PAK3: variants seen among roughly 807,000 people sequenced by gnomAD.
PAK3 encodes the protein serine/threonine-protein kinase PAK 3.
A neutral mutation model predicts 41.0 loss-of-function variants in PAK3; 4 were observed. That is an observed-to-expected ratio of 0.10 (90% confidence interval 0.05 to 0.22). PAK3 has a LOEUF of 0.22. Ranked by LOEUF, PAK3 falls within the 10% of genes least tolerant of loss-of-function variation. The pLI, the probability that PAK3 is intolerant of heterozygous loss-of-function variation, is 1.00. For missense variants in PAK3, 205 were observed against 409.9 expected, an observed-to-expected ratio of 0.50 and a Z score of 4.32; for synonymous variants, 146 against 139.6, an observed-to-expected ratio of 1.05 and a Z score of -0.32.
intron 16 of PAK3, among the ~76,000 whole-genome samples, chrX:111,205,711 T>C (rs1223836587): frequency 9.0e-6 from 1 of 111,265 alleles, no homozygotes; most frequent in Non-Finnish European, 1.9e-5. Flanking sequence ...GTAGTAGTAT[T>C]AAAAGAATTG....
intron 1 of PAK3, among the ~76,000 whole-genome samples, chrX:111,000,215 G>A (rs867011264): frequency 2.1e-3 from 229 of 111,557 alleles, no homozygotes; most frequent in African/African-American, 7.1e-3. Flanking sequence ...ATGGATGCCT[G>A]TTGGTTTTGT....
intron 1 of PAK3, among the ~76,000 whole-genome samples, chrX:110,945,209 C>A (rs1049809956): frequency 1.8e-5 from 2 of 109,745 alleles, no homozygotes; most frequent in African/African-American, 6.7e-5. Context: ...TCAGTGAGTG[C>A]GAGTTGGAGT....
upstream of PAK3, among the ~76,000 whole-genome samples, chrX:111,093,596 G>A (rs939788412): frequency 6.2e-5 from 7 of 112,090 alleles, no homozygotes; most frequent in Non-Finnish European, 1.1e-4. Context: ...CTGCTTTCTC[G>A]TATCAAGAAT....
chrX:111,150,573 C>T (rs1421741242), intron 7 of PAK3, among the ~76,000 whole-genome samples: 1 of 111,419 alleles, frequency 9.0e-6, no homozygotes, highest in Non-Finnish European at 1.9e-5. Flanking sequence ...GAGAAAGAAT[C>T]AAAAGCAAAA....
At chrX:111,059,077 A>T (rs2092630618) in intron 1 of PAK3, among the ~76,000 whole-genome samples, 1 of 104,815 alleles carries the variant, frequency 9.5e-6, no homozygotes, top group African/African-American at 3.5e-5. Flanking sequence ...TTTGCCTATC[A>T]CGAGGCCCTG....
At chrX:111,038,419 C>T (rs774204460) in intron 1 of PAK3, among the ~76,000 whole-genome samples, 1 of 112,404 alleles carries the variant, frequency 8.9e-6, no homozygotes, top group Admixed American at 9.4e-5. Context: ...ACCCTTCTTA[C>T]AGAAGCAATG....
At chrX:110,955,263 T>C (rs998882473) in intron 1 of PAK3, among the ~76,000 whole-genome samples, 9 of 112,036 alleles carry the variant, frequency 8.0e-5, no homozygotes, top group Middle Eastern at 4.6e-3. Flanking sequence ...TTGACTGTAG[T>C]ATAGGGCATT....
At position 111,070,648 on chromosome X, in the gene PAK3, G is replaced by A. The variant is rs149209833; in HGVS notation, c.-27-52429G>A. Among the ~76,000 whole-genome samples, 938 of 111,811 alleles carry A rather than the reference G, an allele frequency of 8.4e-3. 24 individuals are homozygous for A. The highest frequency in any genetic ancestry group is 0.066 in the Admixed American group (695 of 10,581). On this transcript the variant is annotated intron_variant, in intron 1 of 14. Coordinates refer to the PAK3 transcript ENST00000425146. Reference sequence around the variant, plus strand: ...TCATATTAATAGATCTCTTAGAACTGGAAGGGACTTTGAGGCTACCTGATG... The same window carrying A: ...TCATATTAATAGATCTCTTAGAACTAGAAGGGACTTTGAGGCTACCTGATG...
At chrX:111,085,988 TA>T (rs1386493609) in intron 1 of PAK3, among the ~76,000 whole-genome samples, 2 of 110,766 alleles carry the variant, frequency 1.8e-5, no homozygotes, top group Admixed American at 9.6e-5. Context: ...AATTTCATAA[TA>T]TTTTTAAGAA....
chrX:111,206,911 G>A (rs748357991), intron 16 of PAK3, among the ~76,000 whole-genome samples: 7 of 111,069 alleles, frequency 6.3e-5, no homozygotes, highest in Non-Finnish European at 9.4e-5. Context: ...CCCAGGTCAC[G>A]AGTAAACTAA....
intron 1 of PAK3, among the ~76,000 whole-genome samples, chrX:111,064,237 C>T (rs958729933): frequency 1.8e-5 from 2 of 111,843 alleles, no homozygotes; most frequent in African/African-American, 6.5e-5. Context: ...CCACAGGACT[C>T]GTTGAGGAAG....
intron 10 of PAK3, among the ~76,000 whole-genome samples, chrX:111,164,255 A>T (rs1413198610): frequency 3.6e-5 from 4 of 111,412 alleles, no homozygotes; most frequent in African/African-American, 9.8e-5. Context: ...TTGTTGCCCC[A>T]GTTTTATAAA....
At chrX:111,095,989 T>A (rs1478567853), upstream of PAK3, among the ~76,000 whole-genome samples, 1 of 111,346 alleles carries the variant, frequency 9.0e-6, no homozygotes, top group East Asian at 2.8e-4. Context: ...CTCCTTTCCC[T>A]TTCCCTCTCC....
chrX:111,209,070 G>T (rs188997209), intron 16 of PAK3, among the ~76,000 whole-genome samples: 231 of 110,928 alleles, frequency 2.1e-3, no homozygotes, highest in Non-Finnish European at 3.2e-3. Flanking sequence ...GACCTCAAGA[G>T]GACCCATTTC....
intron 7 of PAK3, among the ~76,000 whole-genome samples, chrX:111,148,556 G>C (rs757298276): frequency 9.0e-6 from 1 of 111,302 alleles, no homozygotes; most frequent in Admixed American, 9.5e-5. Context: ...TTGGACTTAC[G>C]GTTCCACATG....
chrX:111,157,477 G>A (rs964055514), intron 8 of PAK3, among the ~76,000 whole-genome samples: 3 of 111,153 alleles, frequency 2.7e-5, no homozygotes, highest in African/African-American at 9.8e-5. Flanking sequence ...CTAAGAGTCC[G>A]GGACCCAACT....
At chrX:111,146,457 C>A in intron 6 of PAK3, 1 of 750,249 alleles carries the variant, frequency 1.3e-6, no homozygotes, top group Non-Finnish European at 2.0e-6. Context: ...TCTCCTCCCA[C>A]CTTCTAAGTT....
intron 1 of PAK3, among the ~76,000 whole-genome samples, chrX:111,033,405 C>T (rs1213640628): frequency 8.9e-6 from 1 of 112,216 alleles, no homozygotes; most frequent in East Asian, 2.8e-4. Flanking sequence ...TATCCTTTGC[C>T]TCACAGGCAC....
intron 1 of PAK3, among the ~76,000 whole-genome samples, chrX:110,991,714 C>A (rs1369496668): frequency 1.8e-5 from 2 of 111,835 alleles, no homozygotes; most frequent in Non-Finnish European, 3.8e-5. Context: ...TAAGACACAT[C>A]TTGTTATTAT....
Sources: gnomAD v4.1 joint callset for allele counts (sites outside exome capture counted in the v4.1 genomes callset) on GRCh38, gnomAD v4.1.1 for gene constraint, MANE v1.5 for transcripts, NCBI Gene and HGNC (gene_info 2026-07-23, HGNC 2026-07-21) for gene names.